The following INTS9 variants were observed in gnomAD, a reference collection of about 807,000 sequenced individuals.
INTS9 encodes the protein protein related to CPSF subunits of 74 kDa.
In INTS9, 55 loss-of-function variants were observed where a neutral mutation model predicts 79.7. That is an observed-to-expected ratio of 0.69 (90% CI 0.56 to 0.86). The LOEUF (loss-of-function observed/expected upper bound fraction) is 0.86, where lower values mean the gene tolerates loss of function less well. Ranked by LOEUF, INTS9 falls within the 40% of genes least tolerant of loss-of-function variation. The pLI is 0.00. For synonymous variants in INTS9, 319 were observed against 325.2 expected, an observed-to-expected ratio of 0.98 and a Z score of 0.20; for missense variants, 721 against 831.5, an observed-to-expected ratio of 0.87 and a Z score of 1.64.
At chr8:28,840,553 CAAT>C (rs976625678) in intron 4 of INTS9, among the ~76,000 whole-genome samples, 1 of 124,338 alleles carries the variant, frequency 8.0e-6, no homozygotes, top group Non-Finnish European at 1.7e-5. Context: ...AAATGTCCAA[CAAT>C]GATAGACTGG....
intron 6 of INTS9, among the ~76,000 whole-genome samples, chr8:28,831,483 T>A (rs1015764479): frequency 6.6e-5 from 10 of 152,176 alleles, no homozygotes; most frequent in African/African-American, 1.9e-4. Context: ...AAAGGGAGCT[T>A]TCCTCTGCAT....
At chr8:28,832,911 C>T (rs1304014697) in intron 6 of INTS9, among the ~76,000 whole-genome samples, 3 of 151,552 alleles carry the variant, frequency 2.0e-5, no homozygotes, top group Non-Finnish European at 2.9e-5. Context: ...TGCAGTGAGC[C>T]GAAATTGCAC....
chr8:28,871,786 G>A (rs1357578798), intron 1 of INTS9, among the ~76,000 whole-genome samples: 1 of 152,052 alleles, frequency 6.6e-6, no homozygotes, highest in East Asian at 1.9e-4. Context: ...TTATACTAAG[G>A]ACTTTTCTAT....
chr8:28,789,504 C>T (rs938886879), intron 10 of INTS9, among the ~76,000 whole-genome samples: 14 of 137,166 alleles, frequency 1.0e-4, no homozygotes, highest in African/African-American at 3.0e-4. Context: ...GAATAAATGG[C>T]GCTTCTAGGT....
intron 6 of INTS9, among the ~76,000 whole-genome samples, chr8:28,821,715 T>C (rs1805840996): frequency 6.6e-6 from 1 of 152,108 alleles, no homozygotes; most frequent in Non-Finnish European, 1.5e-5. Context: ...TTTATAATAA[T>C]TTATTAAGCA....
chr8:28,829,629 T>C (rs1352949504), intron 6 of INTS9, among the ~76,000 whole-genome samples: 1 of 152,214 alleles, frequency 6.6e-6, no homozygotes, highest in Non-Finnish European at 1.5e-5. Flanking sequence ...ATGTATTAAT[T>C]CTAGGCACTT....
At chr8:28,830,052 GA>G (rs11389846) in intron 6 of INTS9, among the ~76,000 whole-genome samples, 37 of 137,758 alleles carry the variant, frequency 2.7e-4, no homozygotes, top group Admixed American at 5.7e-4. Flanking sequence ...CAAGAATGAA[GA>G]AAAAAAAAAA....
chr8:28,823,644 G>A (rs1472090937), intron 6 of INTS9, among the ~76,000 whole-genome samples: 2 of 152,188 alleles, frequency 1.3e-5, no homozygotes, highest in East Asian at 1.9e-4. Context: ...CACCCTAAGA[G>A]GGTAGAGGAG....
At chr8:28,835,751 T>G (rs998180089) in intron 5 of INTS9, among the ~76,000 whole-genome samples, 3 of 152,140 alleles carry the variant, frequency 2.0e-5, no homozygotes, top group Admixed American at 6.5e-5. Context: ...AGGTATCTAA[T>G]TTTGGTGACG....
chr8:28,795,856 C>A (rs549522392), intron 9 of INTS9, among the ~76,000 whole-genome samples: 17 of 152,250 alleles, frequency 1.1e-4, no homozygotes, highest in Non-Finnish European at 2.5e-4. Context: ...AGTAACCAAC[C>A]TATTTGTCTA....
Position 28,867,450 on chromosome 8 carries a change from A to C in INTS9, c.10-7887T>G, listed in dbSNP as rs147438339. ...AAAATTAGCCAGGTGTGGTGGCGTG[A>C]GCCTTAATCCCAGCTACTTGGGAGG... On this transcript the variant is annotated intron_variant, in intron 1 of 16. Coordinates refer to ENST00000521022, the MANE Select transcript of INTS9 (RefSeq NM_018250.4). 3.9e-3 allele frequency among the ~76,000 whole-genome samples: 594 copies of C among 150,910 alleles called. 3 individuals are homozygous for C. The highest frequency in any genetic ancestry group is 0.014 in the African/African-American group (563 of 41,106).
chr8:28,853,473 G>T (rs140402681), intron 2 of INTS9, among the ~76,000 whole-genome samples: 2 of 151,174 alleles, frequency 1.3e-5, no homozygotes, highest in South Asian at 2.1e-4. Context: ...GGAGGTAAAG[G>T]TACCAAAAAA....
chr8:28,849,984 T>C (rs73669458), intron 3 of INTS9: 256 of 390,146 alleles, frequency 6.6e-4, no homozygotes, highest in African/African-American at 4.9e-3. Context: ...AGTACTTAGA[T>C]TTCTACACAT....
intron 9 of INTS9, 71 bp downstream of exon 9, chr8:28,796,473 A>G: frequency 1.1e-6 from 1 of 871,404 alleles, no homozygotes; most frequent in Non-Finnish European, 1.8e-6. Context: ...TTATTGTAAA[A>G]TATTATATTT....
intron 1 of INTS9, among the ~76,000 whole-genome samples, chr8:28,886,993 T>C (rs1349093787): frequency 6.6e-6 from 1 of 152,224 alleles, no homozygotes; most frequent in Non-Finnish European, 1.5e-5. Flanking sequence ...TAGACCTTGA[T>C]AAACCTTCAG....
chr8:28,813,450 G>T (rs773925503), intron 7 of INTS9, 42 bp downstream of exon 7: 5 of 1,572,430 alleles, frequency 3.2e-6, no homozygotes, highest in Non-Finnish European at 4.4e-6. Context: ...AATATGAATG[G>T]AAAGCATTCA....
chr8:28,847,850 G>A (rs1807614353), intron 3 of INTS9, among the ~76,000 whole-genome samples: 1 of 152,200 alleles, frequency 6.6e-6, no homozygotes. Flanking sequence ...TTATCCCCAT[G>A]GGGAAACTCA....
chr8:28,881,819 C>G (rs1469769721), intron 1 of INTS9, among the ~76,000 whole-genome samples: 363 of 140,702 alleles, frequency 2.6e-3, no homozygotes, highest in African/African-American at 8.9e-3. Flanking sequence ...CCGCCCCGTC[C>G]GGGAGGGTGG....
chr8:28,837,418 T>G (rs150669540), intron 5 of INTS9, among the ~76,000 whole-genome samples: 61 of 152,298 alleles, frequency 4.0e-4, no homozygotes, highest in African/African-American at 1.4e-3. Flanking sequence ...TCCAATTAAT[T>G]TATAAGAAAA....
Sources: gnomAD v4.1 joint callset for allele counts (sites outside exome capture counted in the v4.1 genomes callset) on GRCh38, gnomAD v4.1.1 for gene constraint, MANE v1.5 for transcripts, NCBI Gene and HGNC (gene_info 2026-07-23, HGNC 2026-07-21) for gene names.